Variants in RMDN1 observed in about 807,000 individuals in gnomAD.
The protein encoded by RMDN1 is regulator of microtubule dynamics protein 1.
RMDN1 carries 48 observed loss-of-function variants against 48.9 expected under a neutral mutation model. The observed-to-expected ratio is 0.98, with a 90% CI of 0.78 to 1.25. The LOEUF (loss-of-function observed/expected upper bound fraction) is 1.25, where lower values mean the gene tolerates loss of function less well. Ranked by LOEUF, RMDN1 falls within the 50% of genes most tolerant of loss-of-function variation. The pLI is 0.00. For synonymous variants in RMDN1, 148 were observed against 132.6 expected, an observed-to-expected ratio of 1.12 and a Z score of -0.80; for missense variants, 418 against 373.4, an observed-to-expected ratio of 1.12 and a Z score of -0.98.
chr8:86,489,153 T>C (rs536845234), intron 2 of RMDN1, among the ~76,000 whole-genome samples: 1 of 152,308 alleles, frequency 6.6e-6, no homozygotes, highest in East Asian at 1.9e-4. Flanking sequence ...TGTTAGTAAT[T>C]TGCATGAACC....
intron 8 of RMDN1, among the ~76,000 whole-genome samples, chr8:86,475,871 T>G (rs1200194480): frequency 1.3e-5 from 2 of 152,232 alleles, no homozygotes; most frequent in African/African-American, 2.4e-5. Context: ...ATCATTCATC[T>G]ATTTACTCAG....
chr8:86,474,848 T>C lies in RMDN1; in HGVS notation c.866A>G (p.Tyr289Cys), dbSNP rs756144690. Residue 289 changes from tyrosine to cysteine, a missense_variant, in exon 9 of 10, where the codon TAT becomes TGT. Transcript: ENST00000406452. ...AAFWLMKAKD[Y>C]PAHTEEDKQI... ...TTTATCCTCCTCTGTGTGTGCTGGA[T>C]AGTCCTTGGCTTTCATTAGCCAGAA... is the stretch of plus-strand genomic sequence containing the variant. 3.1e-6 allele frequency: 5 copies of C among 1,612,950 alleles called. No individual in the cohort carries two copies. In the Admixed American group the frequency reaches 8.4e-5, roughly 27 times the overall value.
rs551948590 is a variant in RMDN1 at position 86,472,531 on chromosome 8, T to G, written c.*1777A>C. 11 of 695,786 alleles carry G rather than the reference T, an allele frequency of 1.6e-5. No homozygotes were observed. The Admixed American group carries it at 1.7e-4, about 10-fold the overall frequency. The allele number at this position is 695,786 out of a possible 1,614,324, so 43.1% of individuals were successfully genotyped here. A position where few individuals can be genotyped will look rare whatever the true frequency, so the allele number is the denominator to read the frequency against. ...ATAACCTTTTAAAATACAGCATCATTAAGTGGGAAACTGAAAGCCTGCCAT... is the reference window on the plus strand; with the variant it reads ...ATAACCTTTTAAAATACAGCATCATGAAGTGGGAAACTGAAAGCCTGCCAT... On this transcript the variant is annotated 3_prime_UTR_variant, in exon 10 of 10. Transcript: ENST00000406452.
At chr8:86,468,690 G>A (rs1244563183), downstream of RMDN1, 1 of 456,174 alleles carries the variant, frequency 2.2e-6, no homozygotes, top group South Asian at 1.5e-5. Flanking sequence ...GATGCACTAG[G>A]TGAGGCTACA....
At chr8:86,479,105 A>G (rs1813889786) in intron 6 of RMDN1, 95 bp from the exon 7 acceptor site, 1 of 892,840 alleles carries the variant, frequency 1.1e-6, no homozygotes, top group African/African-American at 1.7e-5. Context: ...GGAATCTTCT[A>G]CTGTATGTTT....
In RMDN1 at chr8:86,488,598, C is replaced by T. The variant is rs368241098; in HGVS notation, c.289G>A (p.Gly97Arg). The T allele has an allele frequency of 6.8e-6, 11 of 1,610,518 alleles. No homozygotes were observed. The African/African-American group carries it at 9.3e-5, about 14-fold the overall frequency. ...LEQADYLYES[G>R]ETEKLYQLLT... ...AACTGATAAAGTTTTTCTGTTTCTC[C>T]GCTTTCATACAGGTAGTCTGCTTGT... is the stretch of plus-strand genomic sequence containing the variant. The change falls in exon 3 of 10, where the codon GGA (glycine) becomes AGA (arginine). Residue 97 changes from glycine (G) to arginine (R), a missense_variant. By Grantham distance (125) the Gly-to-Arg change is moderately radical (BLOSUM62 -2). Coordinates refer to ENST00000406452, the MANE Select transcript of RMDN1 (RefSeq NM_016033.3).
intron 2 of RMDN1, among the ~76,000 whole-genome samples, chr8:86,499,619 C>T (rs1179582849): frequency 6.6e-6 from 1 of 151,190 alleles, no homozygotes; most frequent in East Asian, 2.0e-4. Context: ...CTGCCCAAAG[C>T]AATTTACAGA....
At chr8:86,513,911 C>T (rs376098634) in intron 1 of RMDN1, among the ~76,000 whole-genome samples, 6 of 151,362 alleles carry the variant, frequency 4.0e-5, no homozygotes, top group Non-Finnish European at 8.8e-5. Context: ...AGTGCAGAGG[C>T]ACGAACATGG....
chr8:86,503,927 T>C (rs1818835624), intron 2 of RMDN1: 14 of 734,414 alleles, frequency 1.9e-5, no homozygotes, highest in South Asian at 1.8e-4. Context: ...GCTGAGTTGG[T>C]TGAAATGCTG....
intron 2 of RMDN1, among the ~76,000 whole-genome samples, chr8:86,490,764 A>C (rs1816351836): frequency 6.6e-6 from 1 of 152,172 alleles, no homozygotes; most frequent in South Asian, 2.1e-4. Context: ...GTTACTTTTA[A>C]ATATATTCAT....
At chr8:86,491,378 C>T (rs1458045544) in intron 2 of RMDN1, among the ~76,000 whole-genome samples, 4 of 152,070 alleles carry the variant, frequency 2.6e-5, no homozygotes, top group Admixed American at 6.6e-5. Flanking sequence ...TCGTGGTCTG[C>T]ACTGCAAAAA....
rs1818188070 is a variant in RMDN1, at chr8:86,501,365, G to A, written c.247+5630C>T. 3.3e-5 allele frequency among the ~76,000 whole-genome samples: 5 copies of A among 152,210 alleles called. No homozygotes were observed. In the South Asian group the frequency reaches 1.0e-3, roughly 32 times the overall value. On this transcript the variant is annotated intron_variant, in intron 2 of 9. Coordinates refer to ENST00000406452, the MANE Select transcript of RMDN1 (RefSeq NM_016033.3). ...AAATACACTGAAACTAAATGTGATA[G>A]ATTCAAAGAAGAAATAGAGATAAGG...
chr8:86,478,406 C>T (rs966405238), intron 7 of RMDN1: 1 of 152,192 alleles, frequency 6.6e-6, no homozygotes, highest in African/African-American at 2.4e-5. Context: ...GATGAGTAAA[C>T]CCAAAGTTTA....
At chr8:86,495,682 C>T (rs575405591) in intron 2 of RMDN1, among the ~76,000 whole-genome samples, 4 of 152,256 alleles carry the variant, frequency 2.6e-5, no homozygotes, top group East Asian at 1.9e-4. Flanking sequence ...CCAGTGGCCC[C>T]CACCTTCCCA....
intron 1 of RMDN1, among the ~76,000 whole-genome samples, chr8:86,507,572 T>C (rs572940511): frequency 8.5e-5 from 13 of 152,310 alleles, no homozygotes; most frequent in African/African-American, 3.1e-4. Context: ...ACCCCTGGAC[T>C]CAAGCAATCC....
downstream of RMDN1, chr8:86,470,379 C>A: frequency 7.8e-7 from 1 of 1,287,910 alleles, no homozygotes; most frequent in Non-Finnish European, 1.0e-6. Context: ...GGAAACGTCA[C>A]GGACCAATGT....
At position 86,482,442 on chromosome 8, in the gene RMDN1, T is replaced by C. The variant is rs138437273; in HGVS notation, c.586-2110A>G. On this transcript the variant is annotated intron_variant, in intron 5 of 9. Coordinates refer to ENST00000406452, the MANE Select transcript of RMDN1 (RefSeq NM_016033.3). ...GGAGGCTCTGTAAATCTTTGCAGTC[T>C]TAAGTTGACAGCAATGCCATATATT... 2,486 of 490,524 alleles carry C rather than the reference T, an allele frequency of 5.1e-3. 23 individuals are homozygous for C. Among genetic ancestry groups the C allele is most frequent in the Middle Eastern group, 0.016 (26 of 1,660 alleles). The allele number at this position is 490,524 out of a possible 1,614,324, so 30.4% of individuals were successfully genotyped here.
chr8:86,485,873 T>C (rs768556983), intron 4 of RMDN1, among the ~76,000 whole-genome samples: 5 of 152,256 alleles, frequency 3.3e-5, no homozygotes, highest in Non-Finnish European at 7.4e-5. Context: ...GAGAAACAAT[T>C]AATGAAGCCT....
chr8:86,475,915 T>C (rs1813290293), intron 8 of RMDN1, among the ~76,000 whole-genome samples: 1 of 152,200 alleles, frequency 6.6e-6, no homozygotes, highest in Non-Finnish European at 1.5e-5. Flanking sequence ...TTGTGCCAAG[T>C]AATGAGTGTG....
Sources: gnomAD v4.1 joint callset for allele counts (sites outside exome capture counted in the v4.1 genomes callset) on GRCh38, gnomAD v4.1.1 for gene constraint, MANE v1.5 for transcripts, NCBI Gene and HGNC (gene_info 2026-07-23, HGNC 2026-07-21) for gene names.